Variants in RBFOX3 observed in about 807,000 individuals in gnomAD.
RBFOX3 encodes the protein RNA binding fox-1 homolog 3, also known as RNA binding protein fox-1 homolog 3.
A neutral mutation model predicts 48.7 loss-of-function variants in RBFOX3; 17 were observed. The ratio of observed to expected loss-of-function variants is 0.35; its 90% CI spans 0.24 to 0.52. The LOEUF is 0.52. Ranked by LOEUF, RBFOX3 falls within the 20% of genes least tolerant of loss-of-function variation. The pLI is 0.94. For synonymous variants in RBFOX3, 212 were observed against 209.5 expected (o/e 1.01, Z -0.10); for missense variants, 382 against 497.5 (o/e 0.77, Z 2.21).
intron 4 of RBFOX3, among the ~76,000 whole-genome samples, chr17:79,208,926 C>T (rs2057946214): frequency 6.6e-6 from 1 of 152,182 alleles, no homozygotes; most frequent in Admixed American, 6.5e-5. Flanking sequence ...CGCCGTTCTC[C>T]TGCCTCAGCC....
At chr17:79,647,668 C>G in the RBFOX3 span, among the ~76,000 whole-genome samples, 1 of 152,186 alleles carries the variant, frequency 6.6e-6, no homozygotes, top group South Asian at 2.1e-4. Flanking sequence ...AGCACCCCAG[C>G]CCACAGGCCC....
intron 2 of RBFOX3, among the ~76,000 whole-genome samples, chr17:79,450,811 C>T (rs1738045310): frequency 6.6e-6 from 1 of 152,112 alleles, no homozygotes; most frequent in Non-Finnish European, 1.5e-5. Context: ...TAGCACTGTG[C>T]AAGGTGCTGT....
intron 2 of RBFOX3, chr17:79,424,200 C>T (rs1465402007): frequency 6.6e-6 from 1 of 152,404 alleles, no homozygotes; most frequent in African/African-American, 2.4e-5. Flanking sequence ...CAGGCAAGTA[C>T]ATCATGTGAG....
At chr17:79,436,609 C>T (rs941220322) in intron 2 of RBFOX3, among the ~76,000 whole-genome samples, 9 of 152,154 alleles carry the variant, frequency 5.9e-5, no homozygotes, top group South Asian at 2.1e-4. Context: ...GGCAGCAGTA[C>T]GTGCCTGGGC....
At chr17:79,223,547 A>G (rs2059969566) in intron 4 of RBFOX3, among the ~76,000 whole-genome samples, 1 of 152,080 alleles carries the variant, frequency 6.6e-6, no homozygotes, top group Admixed American at 6.5e-5. Flanking sequence ...TGGCATGGAA[A>G]CCCGACCCTG....
At chr17:79,624,491 G>A in the RBFOX3 span, among the ~76,000 whole-genome samples, 4 of 152,196 alleles carry the variant, frequency 2.6e-5, no homozygotes, top group African/African-American at 9.7e-5. Flanking sequence ...TCCAGGGCAG[G>A]GGGTTTGGTG....
chr17:79,219,119 CT>C (rs2059410440), intron 4 of RBFOX3, among the ~76,000 whole-genome samples: 1 of 152,212 alleles, frequency 6.6e-6, no homozygotes, highest in South Asian at 2.1e-4. Context: ...TTGAGCCCTT[CT>C]CCTGGTGATG....
intron 1 of RBFOX3, among the ~76,000 whole-genome samples, chr17:79,521,107 G>A (rs2086005211): frequency 6.6e-6 from 1 of 152,136 alleles, no homozygotes; most frequent in African/African-American, 2.4e-5. Context: ...GACACAGCTT[G>A]TCCCCCTTAC....
chr17:79,384,662 T>C (rs1391282116), intron 2 of RBFOX3, among the ~76,000 whole-genome samples: 3 of 152,140 alleles, frequency 2.0e-5, no homozygotes, highest in African/African-American at 7.2e-5. Context: ...AGTTGATGCC[T>C]CGGGAAGTCC....
intron 2 of RBFOX3, among the ~76,000 whole-genome samples, chr17:79,322,319 T>G (rs775251168): frequency 1.4e-4 from 22 of 152,078 alleles, no homozygotes; most frequent in Non-Finnish European, 2.8e-4. Context: ...CAGCGGAGGC[T>G]GGGGCTACGC....
At chr17:79,664,646 C>T in the RBFOX3 span, among the ~76,000 whole-genome samples, 1 of 152,222 alleles carries the variant, frequency 6.6e-6, no homozygotes, top group Non-Finnish European at 1.5e-5. Context: ...CCGCGCCCGG[C>T]CTACTCTCAC....
chr17:79,228,687 G>T (rs2060624271), intron 4 of RBFOX3, among the ~76,000 whole-genome samples: 1 of 152,240 alleles, frequency 6.6e-6, no homozygotes, highest in East Asian at 1.9e-4. Flanking sequence ...GAGCAAAGCA[G>T]CTTTGGCCTT....
intron 2 of RBFOX3, among the ~76,000 whole-genome samples, chr17:79,442,749 G>A (rs1011354549): frequency 7.2e-5 from 11 of 152,088 alleles, no homozygotes; most frequent in African/African-American, 1.7e-4. Context: ...AGGCAGAGCC[G>A]GAGGGGCAGA....
chr17:79,197,394 T>A (rs1448314087), intron 4 of RBFOX3, among the ~76,000 whole-genome samples: 1 of 147,254 alleles, frequency 6.8e-6, no homozygotes, highest in Non-Finnish European at 1.5e-5. Flanking sequence ...CTTTCTTTTT[T>A]TTTTTTTTTT....
intron 2 of RBFOX3, among the ~76,000 whole-genome samples, chr17:79,415,523 A>G (rs1180087435): frequency 1.3e-5 from 2 of 152,078 alleles, no homozygotes; most frequent in African/African-American, 4.8e-5. Flanking sequence ...GATGGAGGAG[A>G]GAGAAACTCC....
intron 2 of RBFOX3, among the ~76,000 whole-genome samples, chr17:79,412,498 AG>A (rs1205656125): frequency 6.6e-6 from 1 of 150,902 alleles, no homozygotes; most frequent in African/African-American, 2.4e-5. Context: ...TACATGTATG[AG>A]GGTATGGTGT....
intron 4 of RBFOX3, among the ~76,000 whole-genome samples, chr17:79,119,915 G>A (rs2035231142): frequency 6.6e-6 from 1 of 152,216 alleles, no homozygotes; most frequent in African/African-American, 2.4e-5. Context: ...CTGACATGCA[G>A]CCCTGGTGGA....
At chr17:79,515,531 G>A (rs2085127418) in intron 1 of RBFOX3, among the ~76,000 whole-genome samples, 2 of 152,314 alleles carry the variant, frequency 1.3e-5, no homozygotes, top group African/African-American at 4.8e-5. Flanking sequence ...TAGAAAAAAC[G>A]AGAAATGCTG....
At position 79,603,407 on chromosome 17, in the gene RBFOX3, C is replaced by A. The variant is rs1051568886; in HGVS notation, c.-320+7419G>T. ...CTGTTATCCCCTGGATGGCCTGACCCGGGTAACAACTGAGTCCACGGCCCC... is the reference window on the plus strand; with the variant it reads ...CTGTTATCCCCTGGATGGCCTGACCAGGGTAACAACTGAGTCCACGGCCCC... On this transcript the variant is annotated intron_variant, in intron 1 of 14. Transcript: ENST00000693108. Among the ~76,000 whole-genome samples the A allele has an allele frequency of 4.6e-5, 7 of 152,220 alleles. 1 individual carries two copies. The highest frequency in any genetic ancestry group is 2.1e-4 in the South Asian group (1 of 4,828).
Sources: gnomAD v4.1 joint callset for allele counts (sites outside exome capture counted in the v4.1 genomes callset) on GRCh38, gnomAD v4.1.1 for gene constraint, MANE v1.5 for transcripts, NCBI Gene and HGNC (gene_info 2026-07-23, HGNC 2026-07-21) for gene names.